KLRG1: variants seen among roughly 807,000 people sequenced by gnomAD.
The protein encoded by KLRG1 is killer cell lectin-like receptor subfamily G member 1.
In KLRG1, 16 loss-of-function variants were observed where a neutral mutation model predicts 21.8. The observed-to-expected ratio is 0.73, with a 90% CI of 0.50 to 1.11. The LOEUF (loss-of-function observed/expected upper bound fraction) is 1.11. KLRG1 is among the 50% of genes most tolerant of loss of function. The probability of loss-of-function intolerance (pLI) is 0.00; values close to 1 mark genes in which losing one functional copy is unlikely to be tolerated. For missense variants in KLRG1, 173 were observed against 218.3 expected (o/e 0.79, Z 1.31); for synonymous variants, 69 against 75.9 (o/e 0.91, Z 0.47).
the KLRG1 span, chr12:9,077,731 G>A: frequency 6.2e-7 from 1 of 1,614,146 alleles, no homozygotes; most frequent in Non-Finnish European, 8.5e-7. Flanking sequence ...GTGACCCAGA[G>A]CTCCTGAAAC....
intron 1 of KLRG1, among the ~76,000 whole-genome samples, chr12:8,955,422 T>G: frequency 2.4e-5 from 3 of 123,408 alleles, no homozygotes; most frequent in South Asian, 3.0e-4. Flanking sequence ...TGAGATAGAG[T>G]CTCTATCACT....
the KLRG1 span, among the ~76,000 whole-genome samples, chr12:9,049,977 A>G: frequency 6.6e-6 from 1 of 152,184 alleles, no homozygotes; most frequent in Non-Finnish European, 1.5e-5. Context: ...TCAAATCAAG[A>G]TGCATAACTA....
the KLRG1 span, among the ~76,000 whole-genome samples, chr12:9,083,078 C>G: frequency 5.9e-5 from 9 of 152,194 alleles, no homozygotes; most frequent in African/African-American, 2.2e-4. Flanking sequence ...TCTCCAGCAC[C>G]TGTTGTTTCC....
chr12:9,215,480 A>C, the KLRG1 span, among the ~76,000 whole-genome samples: 1 of 152,036 alleles, frequency 6.6e-6, no homozygotes, highest in South Asian at 2.1e-4. Context: ...ATAAATACGA[A>C]AAAAGTCCTT....
At chr12:8,993,081 ATTTTTTTT>A (rs35555710) in intron 2 of KLRG1, among the ~76,000 whole-genome samples, 1 of 129,000 alleles carries the variant, frequency 7.8e-6, no homozygotes, top group Admixed American at 7.8e-5. Flanking sequence ...AACATTCTGA[ATTTTTTTT>A]TTTTTTTTTT....
the KLRG1 span, among the ~76,000 whole-genome samples, chr12:9,175,645 A>G: frequency 6.6e-5 from 10 of 152,230 alleles, no homozygotes; most frequent in African/African-American, 2.4e-4. Flanking sequence ...AAGTGGGCAA[A>G]GGACATGAAC....
chr12:9,194,225 T>G, the KLRG1 span: 1 of 1,613,890 alleles, frequency 6.2e-7, no homozygotes, highest in Non-Finnish European at 8.5e-7. Flanking sequence ...ACCTTTTCCA[T>G]CCACCAGAAG....
At chr12:9,098,524 T>G in the KLRG1 span, 2 of 1,457,642 alleles carry the variant, frequency 1.4e-6, no homozygotes, top group Non-Finnish European at 1.8e-6. Context: ...TTAATTGATC[T>G]TATCCTACTT....
At chr12:8,974,876 G>T (rs977800538) in intron 1 of KLRG1, among the ~76,000 whole-genome samples, 14 of 151,124 alleles carry the variant, frequency 9.3e-5, no homozygotes, top group African/African-American at 3.2e-4. Context: ...TAATTATGAG[G>T]AGGCATTACC....
At chr12:8,984,607 T>C (rs1946812122), upstream of KLRG1, among the ~76,000 whole-genome samples, 1 of 152,176 alleles carries the variant, frequency 6.6e-6, no homozygotes, top group African/African-American at 2.4e-5. Flanking sequence ...GAATAGTCAC[T>C]TGATTCTTTT....
the KLRG1 span, chr12:9,165,272 C>G: frequency 1.2e-6 from 2 of 1,614,034 alleles, no homozygotes; most frequent in Non-Finnish European, 1.7e-6. Context: ...GGAAGAGATA[C>G]CAAGTCCAGC....
chr12:9,120,968 A>G, the KLRG1 span, among the ~76,000 whole-genome samples: 1 of 149,722 alleles, frequency 6.7e-6, no homozygotes, highest in East Asian at 2.0e-4. Flanking sequence ...GCAGCCTTGA[A>G]CTCCTAGGCT....
At chr12:9,185,874 C>G in the KLRG1 span, among the ~76,000 whole-genome samples, 8 of 146,350 alleles carry the variant, frequency 5.5e-5, no homozygotes, top group African/African-American at 2.1e-4. Context: ...GTGGCATGAT[C>G]TCGGCTCACT....
At chr12:9,013,141 G>T (rs892765546), downstream of KLRG1, among the ~76,000 whole-genome samples, 5 of 152,198 alleles carry the variant, frequency 3.3e-5, no homozygotes, top group African/African-American at 1.2e-4. Context: ...GAGTCACAGT[G>T]TTACTGGGTT....
the KLRG1 span, chr12:9,203,762 A>G: frequency 1.2e-6 from 2 of 1,613,962 alleles, no homozygotes; most frequent in Non-Finnish European, 1.7e-6. Flanking sequence ...GCACCGTAGC[A>G]CTCACAGTGA....
chr12:9,005,181 A>G (rs1326840836), intron 3 of KLRG1, among the ~76,000 whole-genome samples: 1 of 151,408 alleles, frequency 6.6e-6, no homozygotes, highest in African/African-American at 2.4e-5. Flanking sequence ...AGGGAGGGGA[A>G]CATCACACAC....
chr12:9,163,280 G>A, the KLRG1 span, among the ~76,000 whole-genome samples: 49 of 116,250 alleles, frequency 4.2e-4, no homozygotes, highest in African/African-American at 1.5e-3. Flanking sequence ...GTGAAACCCC[G>A]TCTCTACTAA....
At chr12:9,112,218 C>G in the KLRG1 span, 1 of 1,613,762 alleles carries the variant, frequency 6.2e-7, no homozygotes, top group Non-Finnish European at 8.5e-7. Context: ...TTCACTGAAA[C>G]AGAAATATTT....
chr12:9,098,614 G>T, the KLRG1 span: 1 of 1,600,794 alleles, frequency 6.2e-7, no homozygotes, highest in Non-Finnish European at 8.5e-7. Flanking sequence ...CACCGAGGAC[G>T]CCGAGAGCTC....
Sources: allele counts gnomAD v4.1 joint callset (sites outside exome capture counted in the v4.1 genomes callset), GRCh38; gene constraint gnomAD v4.1.1; transcripts MANE v1.5; gene names NCBI Gene and HGNC (gene_info 2026-07-23, HGNC 2026-07-21).